FAAH2: variants seen among roughly 807,000 people sequenced by gnomAD.
FAAH2 encodes fatty acid amide hydrolase 2, also known as fatty-acid amide hydrolase 2.
In FAAH2, 60 loss-of-function variants were observed where a neutral mutation model predicts 36.9. That is an observed-to-expected ratio of 1.63 (90% CI 1.32 to 2.02). FAAH2 has a LOEUF of 2.02. Among genes scored for constraint, FAAH2 ranks in the 30% most tolerant of loss-of-function variants. FAAH2 has a pLI of 0.00. For synonymous variants in FAAH2, 214 were observed against 143.8 expected (o/e 1.49, Z -3.49); for missense variants, 689 against 397.5 (o/e 1.73, Z -6.23).
intron 7 of FAAH2, among the ~76,000 whole-genome samples, chrX:57,383,956 G>A (rs1276451536): frequency 4.5e-5 from 5 of 111,778 alleles, no homozygotes; most frequent in Non-Finnish European, 9.4e-5. Context: ...AAACAGCATG[G>A]TACTGGTACC....
At chrX:57,254,068 T>G in the FAAH2 span, among the ~76,000 whole-genome samples, 1 of 108,443 alleles carries the variant, frequency 9.2e-6, no homozygotes, top group South Asian at 4.0e-4. Flanking sequence ...ACACATAGGC[T>G]CAAAATAAAG....
intron 10 of FAAH2, among the ~76,000 whole-genome samples, chrX:57,466,463 G>A (rs959460987): frequency 4.3e-5 from 2 of 46,971 alleles, no homozygotes; most frequent in Admixed American, 3.7e-4. Context: ...TATAACAAAA[G>A]TATGTAAAAG....
At chrX:57,273,297 C>T in the FAAH2 span, among the ~76,000 whole-genome samples, 12 of 111,045 alleles carry the variant, frequency 1.1e-4, no homozygotes, top group African/African-American at 3.3e-4. Context: ...CTTAGACTCC[C>T]ACACAATAAT....
the FAAH2 span, among the ~76,000 whole-genome samples, chrX:57,161,826 T>A: frequency 6.3e-5 from 7 of 111,977 alleles, no homozygotes; most frequent in Non-Finnish European, 1.1e-4. Context: ...TTTGCCAGTC[T>A]GTGTCTTTTA....
At chrX:57,204,150 C>T in the FAAH2 span, among the ~76,000 whole-genome samples, 4 of 111,220 alleles carry the variant, frequency 3.6e-5, no homozygotes, top group South Asian at 1.2e-3. Flanking sequence ...GCCACCTCTG[C>T]CTGTTCTGCA....
chrX:57,364,025 T>TC (rs2147150365), intron 5 of FAAH2, among the ~76,000 whole-genome samples: 1 of 93,297 alleles, frequency 1.1e-5, no homozygotes, highest in African/African-American at 3.9e-5. Flanking sequence ...TTTTTTTTTT[T>TC]TTTTTTTTGT....
chrX:57,195,507 G>A, the FAAH2 span, among the ~76,000 whole-genome samples: 2 of 111,671 alleles, frequency 1.8e-5, no homozygotes, highest in South Asian at 7.4e-4. Flanking sequence ...CTAGGTATTA[G>A]TCCTTTTTCA....
intron 5 of FAAH2, among the ~76,000 whole-genome samples, chrX:57,358,739 A>G (rs1414667277): frequency 3.6e-5 from 4 of 111,490 alleles, no homozygotes; most frequent in Non-Finnish European, 7.6e-5. Flanking sequence ...AAATATCTAG[A>G]AGTGAGATTG....
chrX:57,326,328 G>A (rs2053214889), intron 3 of FAAH2, among the ~76,000 whole-genome samples: 1 of 113,768 alleles, frequency 8.8e-6, no homozygotes, highest in Non-Finnish European at 1.9e-5. Flanking sequence ...GATTTGGGGT[G>A]GAGAGTTCTG....
the FAAH2 span, among the ~76,000 whole-genome samples, chrX:57,216,502 G>GTA: frequency 0.022 from 1,147 of 52,207 alleles, 58 homozygotes; most frequent in African/African-American, 0.098. Flanking sequence ...ATACGTATAT[G>GTA]TATATATATA....
At chrX:57,468,074 C>A (rs1231893834) in intron 10 of FAAH2, among the ~76,000 whole-genome samples, 1 of 111,753 alleles carries the variant, frequency 8.9e-6, no homozygotes, top group Non-Finnish European at 1.9e-5. Context: ...AAAGAAAGGA[C>A]ATCCACACCA....
chrX:57,394,404 A>G, intron 7 of FAAH2: 1 of 1,195,847 alleles, frequency 8.4e-7, no homozygotes, highest in Non-Finnish European at 1.1e-6. Context: ...GTTTCACCAT[A>G]TAATTCTACC....
chrX:57,295,897 C>T (rs934101841), intron 2 of FAAH2, among the ~76,000 whole-genome samples: 18 of 112,404 alleles, frequency 1.6e-4, no homozygotes, highest in African/African-American at 3.9e-4. Flanking sequence ...AAGGCAGCAG[C>T]GAGGCTGGGG....
the FAAH2 span, among the ~76,000 whole-genome samples, chrX:57,233,193 G>A: frequency 1.3e-4 from 14 of 111,586 alleles, no homozygotes; most frequent in Non-Finnish European, 1.7e-4. Flanking sequence ...ATGTCATTTT[G>A]TGTCATTGTT....
the FAAH2 span, among the ~76,000 whole-genome samples, chrX:57,236,676 G>A: frequency 9.0e-6 from 1 of 110,984 alleles, no homozygotes; most frequent in African/African-American, 3.3e-5. Context: ...CAGACCTTTT[G>A]TCCATTTATT....
intron 4 of FAAH2, among the ~76,000 whole-genome samples, chrX:57,338,176 A>G (rs1445712478): frequency 9.0e-6 from 1 of 111,222 alleles, no homozygotes; most frequent in East Asian, 2.8e-4. Flanking sequence ...GCAAAGGGAG[A>G]TAGGTGTGGG....
intron 10 of FAAH2, among the ~76,000 whole-genome samples, chrX:57,476,491 T>C (rs1165307820): frequency 9.0e-6 from 1 of 111,578 alleles, no homozygotes; most frequent in African/African-American, 3.3e-5. Flanking sequence ...GGATTACGTT[T>C]TGATTTTCAT....
the FAAH2 span, among the ~76,000 whole-genome samples, chrX:57,151,095 C>G: frequency 8.9e-6 from 1 of 112,487 alleles, no homozygotes; most frequent in African/African-American, 3.2e-5. Flanking sequence ...GGCCCCCACT[C>G]TCTTCTGGCT....
intron 5 of FAAH2, among the ~76,000 whole-genome samples, chrX:57,353,897 G>C (rs761621624): frequency 4.5e-4 from 50 of 111,195 alleles, no homozygotes; most frequent in African/African-American, 1.6e-3. Flanking sequence ...ACCAATGTGA[G>C]ATTATATCTT....
Sources: allele counts gnomAD v4.1 joint callset (sites outside exome capture counted in the v4.1 genomes callset), GRCh38; gene constraint gnomAD v4.1.1; transcripts MANE v1.5; gene names NCBI Gene and HGNC (gene_info 2026-07-23, HGNC 2026-07-21).